Variants in TMEM38B observed in about 807,000 individuals in gnomAD.
TMEM38B encodes the protein trimeric intracellular cation channel type B.
Under a neutral mutation model 28.7 loss-of-function variants are expected in TMEM38B, and 24 were observed. The ratio of observed to expected loss-of-function variants is 0.84; its 90% CI spans 0.61 to 1.18. The LOEUF (loss-of-function observed/expected upper bound fraction) is 1.18. Ranked by LOEUF, TMEM38B falls within the 50% of genes most tolerant of loss-of-function variation. TMEM38B has a pLI of 0.00. For missense variants in TMEM38B, 380 were observed against 350.9 expected (o/e 1.08, Z -0.66); for synonymous variants, 131 against 127.7 (o/e 1.03, Z -0.17).
chr9:105,697,362 A>G (rs1476092915), intron 1 of TMEM38B, among the ~76,000 whole-genome samples: 2 of 152,246 alleles, frequency 1.3e-5, no homozygotes, highest in East Asian at 1.9e-4. Flanking sequence ...GGAGGTAAAA[A>G]TGATGGAATT....
intron 1 of TMEM38B, among the ~76,000 whole-genome samples, chr9:105,703,895 G>A (rs1835548907): frequency 3.4e-5 from 5 of 145,230 alleles, no homozygotes; most frequent in African/African-American, 1.4e-4. Context: ...TGATGGGGTT[G>A]TTTGTTTTTT....
rs1277291975 is a variant in TMEM38B at position 105,774,507 on chromosome 9, G to T, written c.*427G>T. 1.3e-5 allele frequency: 2 copies of T among 152,806 alleles called. No homozygotes were observed. The highest frequency in any genetic ancestry group is 4.8e-5 in the African/African-American group (2 of 41,434). The allele number at this position is 152,806 out of a possible 1,614,324, so 9.5% of individuals were successfully genotyped here. On this transcript the variant is annotated 3_prime_UTR_variant, in exon 6 of 6. Transcript: ENST00000374692. ...TTTACTTGACATTATCATTAAAATT[G>T]CTAGGTATGGAGAACAATTCCTATT... is the stretch of plus-strand genomic sequence containing the variant.
At chr9:105,742,283 C>CCAT (rs1837236047) in intron 4 of TMEM38B, among the ~76,000 whole-genome samples, 1 of 152,194 alleles carries the variant, frequency 6.6e-6, no homozygotes, top group African/African-American at 2.4e-5. Context: ...AGGCTGGATT[C>CCAT]AGGTGCAGAG....
chr9:105,730,656 A>T (rs1485934930), intron 4 of TMEM38B, among the ~76,000 whole-genome samples: 2 of 152,148 alleles, frequency 1.3e-5, no homozygotes, highest in African/African-American at 4.8e-5. Context: ...GCTCCTCTTT[A>T]TACCTCCTGT....
chr9:105,702,752 C>G (rs1835503194), intron 1 of TMEM38B: 1 of 152,168 alleles, frequency 6.6e-6, no homozygotes, highest in Non-Finnish European at 1.5e-5. Context: ...ACTATCATGG[C>G]TCACTGCAGC....
chr9:105,727,934 A>T (rs1836577528), intron 4 of TMEM38B, among the ~76,000 whole-genome samples: 1 of 151,954 alleles, frequency 6.6e-6, no homozygotes, highest in Non-Finnish European at 1.5e-5. Context: ...TCACCATGTG[A>T]TGTCCTCCCT....
At chr9:105,730,615 G>C (rs1300163012) in intron 4 of TMEM38B, among the ~76,000 whole-genome samples, 1 of 152,132 alleles carries the variant, frequency 6.6e-6, no homozygotes, top group Non-Finnish European at 1.5e-5. Context: ...TTTTTCTGTT[G>C]ATTAGAATAG....
At chr9:105,746,889 C>G (rs146584640) in intron 4 of TMEM38B, among the ~76,000 whole-genome samples, 3 of 152,064 alleles carry the variant, frequency 2.0e-5, no homozygotes, top group Non-Finnish European at 2.9e-5. Context: ...TATTGATTTG[C>G]GTTTGTGGAA....
chr9:105,763,223 A>T (rs186214310), intron 5 of TMEM38B, among the ~76,000 whole-genome samples: 1 of 151,824 alleles, frequency 6.6e-6, no homozygotes, highest in African/African-American at 2.4e-5. Flanking sequence ...GTTCACTGTG[A>T]TGGTAGTTTC....
Position 105,701,097 on chromosome 9 carries a change from G to A in TMEM38B, c.113-4500G>A, listed in dbSNP as rs562181191. The stretch of plus-strand genomic sequence containing the variant: ...CCCCCAGAGTAGTAACTGCTTTCTG[G>A]AACTGAACTCTGTGATAATGTAGTA... On this transcript the variant is annotated intron_variant, in intron 1 of 5. Transcript: ENST00000374692. The A allele has an allele frequency of 8.9e-4, 136 of 152,100 alleles. 1 individual carries two copies. The highest frequency in any genetic ancestry group is 3.2e-3 in the African/African-American group (134 of 41,464). The allele number at this position is 152,100 out of a possible 1,614,324, so 9.4% of individuals were successfully genotyped here. A position where few individuals can be genotyped will look rare whatever the true frequency, so the allele number is the denominator to read the frequency against.
intron 5 of TMEM38B, among the ~76,000 whole-genome samples, chr9:105,761,615 A>G (rs1296036095): frequency 6.6e-6 from 1 of 152,210 alleles, no homozygotes; most frequent in Non-Finnish European, 1.5e-5. Context: ...TACTGCAATC[A>G]GGGCATATAG....
intron 2 of TMEM38B, among the ~76,000 whole-genome samples, chr9:105,720,320 C>T (rs1487307685): frequency 3.4e-5 from 5 of 148,326 alleles, no homozygotes; most frequent in African/African-American, 1.3e-4. Flanking sequence ...TATTGTAGTT[C>T]ATTATGAGCA....
At chr9:105,717,187 C>T (rs1836133689) in intron 2 of TMEM38B, among the ~76,000 whole-genome samples, 2 of 152,146 alleles carry the variant, frequency 1.3e-5, no homozygotes, top group African/African-American at 4.8e-5. Context: ...TCTATGGTCT[C>T]CTCCCATTCC....
chr9:105,758,050 G>A (rs1470549513), intron 5 of TMEM38B: 1 of 286,204 alleles, frequency 3.5e-6, no homozygotes, highest in East Asian at 7.2e-5. Context: ...TTTAGCAGAT[G>A]CTATTCAAAT....
At chr9:105,712,978 T>A (rs190879793) in intron 2 of TMEM38B, among the ~76,000 whole-genome samples, 63 of 152,316 alleles carry the variant, frequency 4.1e-4, no homozygotes, top group Middle Eastern at 3.4e-3. Flanking sequence ...CCAGGCCCAG[T>A]GAGGACCTGG....
intron 4 of TMEM38B, among the ~76,000 whole-genome samples, chr9:105,739,686 G>A (rs1837123583): frequency 6.6e-6 from 1 of 150,854 alleles, no homozygotes; most frequent in South Asian, 2.1e-4. Flanking sequence ...CACCACGCCA[G>A]TCTAATTTTT....
intron 4 of TMEM38B, among the ~76,000 whole-genome samples, chr9:105,744,161 T>C (rs979485482): frequency 6.6e-6 from 1 of 151,964 alleles, no homozygotes; most frequent in African/African-American, 2.4e-5. Flanking sequence ...AATTCGTATG[T>C]AAAATATAAT....
At chr9:105,717,180 A>G (rs897296203) in intron 2 of TMEM38B, among the ~76,000 whole-genome samples, 2 of 152,166 alleles carry the variant, frequency 1.3e-5, no homozygotes, top group Non-Finnish European at 2.9e-5. Flanking sequence ...TGTCACTTCT[A>G]TGGTCTCCTC....
intron 4 of TMEM38B, among the ~76,000 whole-genome samples, chr9:105,733,422 T>TTTTC (rs896013969): frequency 1.4e-4 from 13 of 92,720 alleles, no homozygotes; most frequent in African/African-American, 7.6e-4. Context: ...TTCTTTTTTC[T>TTTTC]TTTTTTTTTT....
Sources: allele counts gnomAD v4.1 joint callset (sites outside exome capture counted in the v4.1 genomes callset), GRCh38; gene constraint gnomAD v4.1.1; transcripts MANE v1.5; gene names NCBI Gene and HGNC (gene_info 2026-07-23, HGNC 2026-07-21).